GPR19: variants seen among roughly 807,000 people sequenced by gnomAD.
GPR19 encodes the protein probable G protein-coupled receptor 19.
Under a neutral mutation model 28.5 loss-of-function variants are expected in GPR19, and 14 were observed. That is an observed-to-expected ratio of 0.49 (90% CI 0.32 to 0.77). The LOEUF is 0.77. Ranked by LOEUF, GPR19 falls within the 30% of genes least tolerant of loss-of-function variation. The pLI is 0.03. For synonymous variants in GPR19, 173 were observed against 184.1 expected (o/e 0.94, Z 0.49); for missense variants, 409 against 504.1 (o/e 0.81, Z 1.81).
chr12:12,699,860 A>G (rs535842685), upstream of GPR19, among the ~76,000 whole-genome samples: 2 of 152,202 alleles, frequency 1.3e-5, no homozygotes, highest in Non-Finnish European at 2.9e-5. Flanking sequence ...GTTATCTTCA[A>G]TGTATTAAAG....
At chr12:12,701,919 C>A in the GPR19 span, among the ~76,000 whole-genome samples, 44 of 96,092 alleles carry the variant, frequency 4.6e-4, no homozygotes, top group African/African-American at 1.5e-3. Context: ...GACCCTGTCT[C>A]AAAAAAAAAA....
chr12:12,682,717 G>A (rs914758958), intron 3 of GPR19, among the ~76,000 whole-genome samples: 8 of 152,020 alleles, frequency 5.3e-5, no homozygotes, highest in African/African-American at 1.5e-4. Flanking sequence ...ACCCTGAAGG[G>A]AACTGGTAAC....
chr12:12,662,219 A>C lies in GPR19; in HGVS notation c.230T>G (p.Leu77Trp), dbSNP rs988483453. 1 of 1,614,128 alleles carries C rather than the reference A, an allele frequency of 6.2e-7. No individual in the cohort carries two copies. The highest frequency in any genetic ancestry group is 8.5e-7 in the Non-Finnish European group (1 of 1,180,056). ...TASIFFGILW[L>W]FSIFGNSLVC... ...CAGGGAATTGCCGAAGATAGAAAACAACCACAGAATCCCAAAGAAGATGCT... is the reference window on the plus strand; with the variant it reads ...CAGGGAATTGCCGAAGATAGAAAACCACCACAGAATCCCAAAGAAGATGCT... The change falls in exon 4 of 4, where the codon TTG becomes TGG. Residue 77 changes from leucine to tryptophan, a missense_variant. Leu to Trp is a moderately conservative substitution (Grantham distance 61, BLOSUM62 -2). Transcript: ENST00000651487.
the GPR19 span, among the ~76,000 whole-genome samples, chr12:12,716,283 T>G: frequency 1.3e-5 from 2 of 152,236 alleles, no homozygotes; most frequent in African/African-American, 4.8e-5. Context: ...GGGGAGTATT[T>G]TCACCCTTCA....
the GPR19 span, among the ~76,000 whole-genome samples, chr12:12,709,065 TAAAG>T: frequency 2.1e-5 from 3 of 146,310 alleles, no homozygotes; most frequent in Non-Finnish European, 4.5e-5. Context: ...AAAAAAAAAT[TAAAG>T]TATTACGTTA....
intron 2 of GPR19, among the ~76,000 whole-genome samples, chr12:12,689,901 G>A (rs966146838): frequency 2.0e-5 from 3 of 152,164 alleles, no homozygotes; most frequent in Middle Eastern, 3.2e-3. Context: ...ATAGCAAACC[G>A]AGGCTTCTCA....
Position 12,676,851 on chromosome 12 carries a change from C to T in GPR19, c.-23+7500G>A, listed in dbSNP as rs1319782373. Among the ~76,000 whole-genome samples, 4 of 152,318 alleles carry T rather than the reference C, an allele frequency of 2.6e-5. No individual in the cohort carries two copies. In the South Asian group the frequency reaches 8.3e-4, roughly 32 times the overall value. ...CACTACAGCAAACATTTTTTGAACACCTGCTGTGTGCTCATTGAGTTAGTG... is the reference window on the plus strand; with the variant it reads ...CACTACAGCAAACATTTTTTGAACATCTGCTGTGTGCTCATTGAGTTAGTG... On this transcript the variant is annotated intron_variant, in intron 3 of 3. Transcript: ENST00000651487.
the GPR19 span, among the ~76,000 whole-genome samples, chr12:12,709,145 A>T: frequency 6.6e-6 from 1 of 152,108 alleles, no homozygotes; most frequent in Non-Finnish European, 1.5e-5. Flanking sequence ...AAAGGGGGGG[A>T]AATTACTTTA....
At chr12:12,670,668 A>T (rs1435961306) in intron 3 of GPR19, among the ~76,000 whole-genome samples, 1 of 152,240 alleles carries the variant, frequency 6.6e-6, no homozygotes, top group Non-Finnish European at 1.5e-5. Context: ...GAACAAAGCA[A>T]CTGCTTCAAA....
At chr12:12,675,636 A>T (rs896406085) in intron 3 of GPR19, among the ~76,000 whole-genome samples, 7 of 152,208 alleles carry the variant, frequency 4.6e-5, no homozygotes, top group African/African-American at 1.7e-4. Flanking sequence ...GACTCCAAGC[A>T]TGAGAAAGAA....
At chr12:12,706,753 T>C in the GPR19 span, among the ~76,000 whole-genome samples, 1 of 152,218 alleles carries the variant, frequency 6.6e-6, no homozygotes, top group East Asian at 1.9e-4. Context: ...TCCCATTGGC[T>C]GTATCTTCAA....
At chr12:12,681,893 A>G (rs181728845) in intron 3 of GPR19, among the ~76,000 whole-genome samples, 11 of 152,332 alleles carry the variant, frequency 7.2e-5, no homozygotes, top group East Asian at 5.8e-4. Flanking sequence ...ATTCAGGACA[A>G]TCTTCTTCAA....
the GPR19 span, among the ~76,000 whole-genome samples, chr12:12,712,520 C>T: frequency 6.6e-6 from 1 of 152,244 alleles, no homozygotes; most frequent in Non-Finnish European, 1.5e-5. Flanking sequence ...CCCATCCCCA[C>T]TTACCACCCC....
chr12:12,688,100 A>C (rs1420643092), intron 2 of GPR19, among the ~76,000 whole-genome samples: 1 of 152,220 alleles, frequency 6.6e-6, no homozygotes, highest in African/African-American at 2.4e-5. Flanking sequence ...ATAAGATGAA[A>C]AGTTGTTGAA....
At chr12:12,685,315 C>A (rs557023669) in intron 2 of GPR19, among the ~76,000 whole-genome samples, 4 of 144,358 alleles carry the variant, frequency 2.8e-5, no homozygotes, top group East Asian at 2.1e-4. Context: ...ACATAGTTTA[C>A]TGCATGCCCA....
At chr12:12,716,115 G>A in the GPR19 span, among the ~76,000 whole-genome samples, 1 of 152,140 alleles carries the variant, frequency 6.6e-6, no homozygotes, top group Non-Finnish European at 1.5e-5. Flanking sequence ...CCTGCTCATC[G>A]TCCTACTTTA....
chr12:12,716,357 G>GA, the GPR19 span, among the ~76,000 whole-genome samples: 1 of 152,192 alleles, frequency 6.6e-6, no homozygotes, highest in African/African-American at 2.4e-5. Context: ...AGTGAAATCT[G>GA]GTGAGAGAGA....
chr12:12,679,656 GAA>G (rs5796505), intron 3 of GPR19, among the ~76,000 whole-genome samples: 3 of 140,856 alleles, frequency 2.1e-5, no homozygotes, highest in East Asian at 2.0e-4. Context: ...CTTGTCTCTG[GAA>G]AAAAAAAAAA....
chr12:12,675,125 C>T (rs76972832), intron 3 of GPR19, among the ~76,000 whole-genome samples: 1 of 152,198 alleles, frequency 6.6e-6, no homozygotes, highest in East Asian at 1.9e-4. Context: ...ACGTTCTAGG[C>T]TCCTTGAGGC....
Sources: gnomAD v4.1 joint callset for allele counts (sites outside exome capture counted in the v4.1 genomes callset) on GRCh38, gnomAD v4.1.1 for gene constraint, MANE v1.5 for transcripts, NCBI Gene and HGNC (gene_info 2026-07-23, HGNC 2026-07-21) for gene names.